PRELID2: variants seen among roughly 807,000 people sequenced by gnomAD.
PRELID2 encodes the protein PRELI domain containing 2.
Under a neutral mutation model 28.4 loss-of-function variants are expected in PRELID2, and 25 were observed. The observed-to-expected ratio is 0.88, with a 90% confidence interval of 0.64 to 1.23. The LOEUF (loss-of-function observed/expected upper bound fraction) is 1.23. Ranked by LOEUF, PRELID2 falls within the 50% of genes most tolerant of loss-of-function variation. PRELID2 has a pLI of 0.00. For missense variants in PRELID2, 201 were observed against 214.4 expected, an observed-to-expected ratio of 0.94 and a Z score of 0.39; for synonymous variants, 76 against 71.6, an observed-to-expected ratio of 1.06 and a Z score of -0.31.
At chr5:145,640,227 C>G (rs1754076763) in intron 1 of PRELID2, among the ~76,000 whole-genome samples, 1 of 151,990 alleles carries the variant, frequency 6.6e-6, no homozygotes, top group South Asian at 2.1e-4. Flanking sequence ...TGGCTCACGC[C>G]TGTAATCCCA....
At chr5:145,789,096 G>A (rs940867957) in intron 5 of PRELID2, among the ~76,000 whole-genome samples, 1 of 152,124 alleles carries the variant, frequency 6.6e-6, no homozygotes. Context: ...CAGATTCAAT[G>A]CAATCTCTAT....
At chr5:145,803,724 CCAAT>C in intron 4 of PRELID2, among the ~76,000 whole-genome samples, 1 of 106,664 alleles carries the variant, frequency 9.4e-6, no homozygotes, top group Admixed American at 1.2e-4. Flanking sequence ...CATTATTATT[CCAAT>C]TTAAAGTAAA....
chr5:145,833,875 T>C (rs1031041636), intron 1 of PRELID2, among the ~76,000 whole-genome samples: 23 of 152,260 alleles, frequency 1.5e-4, no homozygotes, highest in East Asian at 9.6e-4. Flanking sequence ...AAAGATCATC[T>C]GGTACAACCC....
chr5:145,371,089 T>C, the PRELID2 span, among the ~76,000 whole-genome samples: 6 of 152,034 alleles, frequency 3.9e-5, no homozygotes, highest in South Asian at 2.1e-4. Flanking sequence ...TCTCTGCCTA[T>C]CTGAATACCC....
chr5:145,407,248 G>A, the PRELID2 span, among the ~76,000 whole-genome samples: 1,049 of 152,274 alleles, frequency 6.9e-3, 6 homozygotes, highest in Non-Finnish European at 0.011. Flanking sequence ...CAGCTCTCTG[G>A]ATATAAACTT....
At chr5:145,666,545 C>G (rs1192877097) in intron 1 of PRELID2, among the ~76,000 whole-genome samples, 5 of 152,070 alleles carry the variant, frequency 3.3e-5, no homozygotes, top group Non-Finnish European at 4.4e-5. Context: ...TTATTTGCAT[C>G]TTTTCCCCAC....
intron 1 of PRELID2, among the ~76,000 whole-genome samples, chr5:145,702,530 A>G (rs1755433939): frequency 1.3e-5 from 2 of 152,314 alleles, no homozygotes; most frequent in East Asian, 1.9e-4. Context: ...GACATAAATT[A>G]AGAAAGAAAG....
the PRELID2 span, among the ~76,000 whole-genome samples, chr5:145,311,274 A>G: frequency 6.6e-6 from 1 of 152,176 alleles, no homozygotes; most frequent in Non-Finnish European, 1.5e-5. Flanking sequence ...GAGGTGCTAG[A>G]GTGCAGCTCG....
chr5:145,740,265 AAT>A (rs70998029), intron 1 of PRELID2, among the ~76,000 whole-genome samples: 695 of 40,010 alleles, frequency 0.017, 10 homozygotes, highest in Middle Eastern at 0.048. Context: ...GGATTTATCA[AAT>A]ATATATATAT....
intron 1 of PRELID2, among the ~76,000 whole-genome samples, chr5:145,518,638 G>C (rs927875876): frequency 6.6e-6 from 1 of 152,228 alleles, no homozygotes; most frequent in African/African-American, 2.4e-5. Context: ...ATGGTTATCA[G>C]TCATTTGCAT....
chr5:145,650,916 C>T (rs940181777), intron 1 of PRELID2, among the ~76,000 whole-genome samples: 8 of 151,930 alleles, frequency 5.3e-5, no homozygotes, highest in Admixed American at 4.6e-4. Context: ...GGGTGCAGGA[C>T]AGTGGGTGCG....
At chr5:145,252,352 T>C in the PRELID2 span, among the ~76,000 whole-genome samples, 2 of 152,146 alleles carry the variant, frequency 1.3e-5, no homozygotes. Context: ...TGCCTTCCCA[T>C]ATCAGATTTA....
At chr5:145,478,842 C>A (rs1752131048) in intron 1 of PRELID2, among the ~76,000 whole-genome samples, 1 of 152,146 alleles carries the variant, frequency 6.6e-6, no homozygotes, top group Non-Finnish European at 1.5e-5. Flanking sequence ...GTGGGACCAG[C>A]CCAAACTGGA....
intron 5 of PRELID2, among the ~76,000 whole-genome samples, chr5:145,766,154 T>C (rs1233114520): frequency 6.6e-6 from 1 of 152,106 alleles, no homozygotes; most frequent in African/African-American, 2.4e-5. Flanking sequence ...AATTATAAAC[T>C]GAGGTCTCCA....
chr5:145,742,541 A>G (rs1265318633), intron 1 of PRELID2, among the ~76,000 whole-genome samples: 1 of 149,392 alleles, frequency 6.7e-6, no homozygotes, highest in East Asian at 2.0e-4. Context: ...CAAAAAAAAA[A>G]AAAAAGAACT....
chr5:145,511,435 T>G (rs1007290707), intron 1 of PRELID2, among the ~76,000 whole-genome samples: 5 of 152,218 alleles, frequency 3.3e-5, no homozygotes, highest in African/African-American at 1.2e-4. Context: ...CTTAAATACC[T>G]TCTTCGTGAC....
chr5:145,426,970 G>A, the PRELID2 span, among the ~76,000 whole-genome samples: 1 of 152,004 alleles, frequency 6.6e-6, no homozygotes, highest in Non-Finnish European at 1.5e-5. Context: ...TTTTTTGTTC[G>A]GCAACTGAGT....
intron 1 of PRELID2, among the ~76,000 whole-genome samples, chr5:145,550,626 C>T (rs948198149): frequency 2.0e-5 from 3 of 151,888 alleles, no homozygotes; most frequent in Admixed American, 1.3e-4. Flanking sequence ...TAAAGAAGGA[C>T]CTTAAAATAT....
the PRELID2 span, among the ~76,000 whole-genome samples, chr5:145,233,577 T>C: frequency 6.6e-5 from 10 of 152,150 alleles, no homozygotes; most frequent in East Asian, 1.9e-4. Context: ...TCTACTCTCA[T>C]TGACCTACAG....
Sources: gnomAD v4.1 joint callset for allele counts (sites outside exome capture counted in the v4.1 genomes callset) on GRCh38, gnomAD v4.1.1 for gene constraint, MANE v1.5 for transcripts, NCBI Gene and HGNC (gene_info 2026-07-23, HGNC 2026-07-21) for gene names.